Variants in FBLN1 observed in about 807,000 individuals in gnomAD.
FBLN1 encodes the protein fibulin-1.
In FBLN1, 34 loss-of-function variants were observed where a neutral mutation model predicts 89.7. The observed-to-expected ratio is 0.38, with a 90% CI of 0.29 to 0.50. The LOEUF is 0.50. FBLN1 is among the 20% of genes least tolerant of loss of function. The pLI is 0.92. For missense variants in FBLN1, 777 were observed against 988.1 expected, an observed-to-expected ratio of 0.79 and a Z score of 2.86; for synonymous variants, 393 against 391.3, an observed-to-expected ratio of 1.00 and a Z score of -0.05.
intron 8 of FBLN1, among the ~76,000 whole-genome samples, chr22:45,538,166 C>T (rs1049686486): frequency 6.6e-6 from 1 of 152,242 alleles, no homozygotes; most frequent in Non-Finnish European, 1.5e-5. Flanking sequence ...CCTGGGTCCT[C>T]AGTGACAGCA....
At chr22:45,544,510 G>A (rs887943366) in intron 11 of FBLN1, among the ~76,000 whole-genome samples, 2 of 152,206 alleles carry the variant, frequency 1.3e-5, no homozygotes, top group Admixed American at 1.3e-4. Flanking sequence ...ACACTCCTTG[G>A]TTGCACATCT....
At position 45,530,433 on chromosome 22, in the gene FBLN1, G is replaced by A. The variant is rs945610463; in HGVS notation, c.485-832G>A. Reference sequence around the variant, plus strand: ...GGGAGGGCTTCCTGTCTTCACAGCCGCACCTTCCTCCCACTGCTACCAGTG... The same window carrying A: ...GGGAGGGCTTCCTGTCTTCACAGCCACACCTTCCTCCCACTGCTACCAGTG... On this transcript the variant is annotated intron_variant, in intron 4 of 16. Coordinates refer to ENST00000327858, the MANE Select transcript of FBLN1 (RefSeq NM_006486.3). The surrounding 1 kb of genome is among the most constrained non-coding windows in gnomAD (Gnocchi z 5.4). Among the ~76,000 whole-genome samples the A allele has an allele frequency of 6.6e-6, 1 of 151,942 alleles. No individual in the cohort carries two copies. The highest frequency in any genetic ancestry group is 1.5e-5 in the Non-Finnish European group (1 of 67,994).
rs2089057578 is a variant in FBLN1 at position 45,583,248 on chromosome 22, G to T, written c.1972+6140G>T. 6.6e-6 allele frequency among the ~76,000 whole-genome samples: 1 copy of T among 152,160 alleles called. No homozygotes were observed. Among genetic ancestry groups the T allele is most frequent in the Non-Finnish European group, 1.5e-5 (1 of 68,028 alleles). Reference sequence around the variant, plus strand: ...CCCTCAGCCCCCCAGGCAGCTCTAAGGGCTCAGCTGCTGCAGGATTCCTTA... The same window carrying T: ...CCCTCAGCCCCCCAGGCAGCTCTAATGGCTCAGCTGCTGCAGGATTCCTTA... On this transcript the variant is annotated intron_variant, in intron 16 of 16. Transcript: ENST00000327858. This position sits in a 1 kb window ranked among gnomAD's most constrained non-coding sequence, Gnocchi z 4.5.
chr22:45,566,341 G>A (rs1194733613), intron 14 of FBLN1, among the ~76,000 whole-genome samples: 3 of 152,128 alleles, frequency 2.0e-5, no homozygotes, highest in Non-Finnish European at 4.4e-5. Flanking sequence ...GAGGGGTCCC[G>A]TTGCATTTTG....
chr22:45,525,454 C>G (rs544878922), intron 2 of FBLN1, 89 bp from the exon 3 acceptor site: 1 of 1,238,184 alleles, frequency 8.1e-7, no homozygotes, highest in Non-Finnish European at 1.2e-6. Context: ...AGGGGAGGCT[C>G]AAAGGTGAGA....
chr22:45,535,090 A>G, intron 7 of FBLN1, 110 bp from the exon 8 acceptor site: 1 of 1,236,386 alleles, frequency 8.1e-7, no homozygotes, highest in East Asian at 2.4e-5. Flanking sequence ...GTTTTGGGTT[A>G]TAGTCTGAGT....
At position 45,556,352 on chromosome 22, in the gene FBLN1, C is replaced by T. The variant is rs750267412; in HGVS notation, c.1697+5737C>T. 6.6e-6 allele frequency among the ~76,000 whole-genome samples: 1 copy of T among 152,236 alleles called. No homozygotes were observed. The highest frequency in any genetic ancestry group is 1.5e-5 in the Non-Finnish European group (1 of 68,046). On this transcript the variant is annotated intron_variant, in intron 14 of 16. Coordinates refer to ENST00000327858, the MANE Select transcript of FBLN1 (RefSeq NM_006486.3). The surrounding 1 kb of genome is among the most constrained non-coding windows in gnomAD (Gnocchi z 4.6). ...ACAATTACAGTCCTCGTTTCTGCAA[C>T]TGGTCACATGGCTCGTAGCTGGTAT...
chr22:45,532,914 A>T lies in FBLN1; in HGVS notation c.545-149A>T. On this transcript the variant is annotated intron_variant, in intron 5 of 16. Coordinates refer to ENST00000327858, the MANE Select transcript of FBLN1 (RefSeq NM_006486.3). The surrounding 1 kb of genome is among the most constrained non-coding windows in gnomAD (Gnocchi z 4.2). ...AGCCAGAGCCTGGGGGTCTCCCAGT[A>T]GGGCAGCAGGTGGGCTCCAGCCAGG... 1 of 697,466 alleles carries T rather than the reference A, an allele frequency of 1.4e-6. No individual in the cohort carries two copies. Among genetic ancestry groups the T allele is most frequent in the Non-Finnish European group, 2.5e-6 (1 of 395,438 alleles). The allele number at this position is 697,466 out of a possible 1,614,324, so 43.2% of individuals were successfully genotyped here.
Position 45,600,235 on chromosome 22 carries a change from A to G in FBLN1, c.1973-72A>G. Reference sequence around the variant, plus strand: ...TTCTAGCTCTGAAACTCCTCAAGGGAAACCATTTCCCAGATCTCTACGTTG... The same window carrying G: ...TTCTAGCTCTGAAACTCCTCAAGGGGAACCATTTCCCAGATCTCTACGTTG... On this transcript the variant is annotated intron_variant, in intron 16 of 16. Transcript: ENST00000327858. 3 of 1,597,884 alleles carry G rather than the reference A, an allele frequency of 1.9e-6. No homozygotes were observed. In the South Asian group the frequency reaches 3.3e-5, roughly 18 times the overall value.
At chr22:45,534,024 C>T in intron 7 of FBLN1, 126 bp downstream of exon 7, 1 of 1,301,584 alleles carries the variant, frequency 7.7e-7, no homozygotes, top group Admixed American at 1.7e-5. Flanking sequence ...GGGCGACTGC[C>T]TGCTCATCTG....
chr22:45,559,530 G>A (rs1431088202), intron 14 of FBLN1, among the ~76,000 whole-genome samples: 9 of 152,182 alleles, frequency 5.9e-5, no homozygotes, highest in Admixed American at 5.9e-4. Flanking sequence ...CCAGTGTGGG[G>A]GTTCTGCCAG....
chr22:45,504,693 G>C (rs968887895), intron 1 of FBLN1, among the ~76,000 whole-genome samples: 2 of 152,112 alleles, frequency 1.3e-5, no homozygotes, highest in African/African-American at 4.8e-5. Flanking sequence ...TTCTGTCTGC[G>C]GTTTGCGAAC....
At position 45,550,118 on chromosome 22, in the gene FBLN1, A is replaced by C. The variant is rs1193985872; in HGVS notation, c.1574-374A>C. On this transcript the variant is annotated intron_variant, in intron 13 of 16. Transcript: ENST00000327858. This position sits in a 1 kb window ranked among gnomAD's most constrained non-coding sequence, Gnocchi z 8.4. ...ATTTATAAAATGTGTGACCTCAGGC[A>C]GGTCTCTTAAGCTCTGTGAGCTCCT... 1.3e-5 allele frequency among the ~76,000 whole-genome samples: 2 copies of C among 152,176 alleles called. No homozygotes were observed. Among genetic ancestry groups the C allele is most frequent in the East Asian group, 3.8e-4 (2 of 5,196 alleles).
chr22:45,597,550 C>T lies in FBLN1; in HGVS notation c.1973-2757C>T, dbSNP rs958402956. On this transcript the variant is annotated intron_variant, in intron 16 of 16. Transcript: ENST00000327858. This position sits in a 1 kb window ranked among gnomAD's most constrained non-coding sequence, Gnocchi z 4.2. ...GACATACAGGGGGCCCACGGGGGTACGTTAGGTTCAGCCCTGTAAGCCCAC... is the reference window on the plus strand; with the variant it reads ...GACATACAGGGGGCCCACGGGGGTATGTTAGGTTCAGCCCTGTAAGCCCAC... Among the ~76,000 whole-genome samples the T allele has an allele frequency of 3.9e-5, 6 of 152,104 alleles. No homozygotes were observed. The highest frequency in any genetic ancestry group is 4.1e-4 in the South Asian group (2 of 4,826).
At chr22:45,552,084 G>A (rs1271807108) in intron 14 of FBLN1, among the ~76,000 whole-genome samples, 2 of 152,248 alleles carry the variant, frequency 1.3e-5, no homozygotes, top group African/African-American at 4.8e-5. Context: ...CCTCAGTGCT[G>A]GAGAAAGTCG....
chr22:45,541,784 G>A lies in FBLN1; in HGVS notation c.1067-371G>A, dbSNP rs114273897. On this transcript the variant is annotated intron_variant, in intron 9 of 16. Transcript: ENST00000327858. ...TCTCTGTGTGGGTGTTTGCTCTCACGTCATTCCCTCTGCCCACCTGCTCCT... is the reference window on the plus strand; with the variant it reads ...TCTCTGTGTGGGTGTTTGCTCTCACATCATTCCCTCTGCCCACCTGCTCCT... Among the ~76,000 whole-genome samples the A allele has an allele frequency of 3.7e-3, 569 of 152,338 alleles. 5 individuals carry two copies. Among genetic ancestry groups the A allele is most frequent in the African/African-American group, 0.013 (533 of 41,574 alleles).
chr22:45,505,300 T>C (rs2146933142), intron 1 of FBLN1, among the ~76,000 whole-genome samples: 1 of 152,286 alleles, frequency 6.6e-6, no homozygotes, highest in East Asian at 1.9e-4. Context: ...AAAAGAAAGT[T>C]GGGAGGGAGA....
rs948069817 is a variant in FBLN1 at position 45,579,282 on chromosome 22, G to T, written c.1972+2174G>T. ...CTAGAGACCATCCCTTCCTTCTTCC[G>T]TAGGAGGGGAAACTGAGGCCCGGAA... On this transcript the variant is annotated intron_variant, in intron 16 of 16. Transcript: ENST00000327858. The surrounding 1 kb of genome is among the most constrained non-coding windows in gnomAD (Gnocchi z 5.5). Among the ~76,000 whole-genome samples, 4 of 152,256 alleles carry T rather than the reference G, an allele frequency of 2.6e-5. No homozygotes were observed. Among genetic ancestry groups the T allele is most frequent in the African/African-American group, 9.6e-5 (4 of 41,468 alleles).
chr22:45,565,511 C>G (rs1206928900), intron 14 of FBLN1: 1 of 295,122 alleles, frequency 3.4e-6, no homozygotes, highest in East Asian at 8.4e-5. Flanking sequence ...AGCCTGAGCT[C>G]CCCTGGCCCC....
Sources: gnomAD v4.1 joint callset for allele counts (sites outside exome capture counted in the v4.1 genomes callset) on GRCh38, gnomAD v4.1.1 for gene constraint, Gnocchi (gnomAD v3.1) non-coding constraint, MANE v1.5 for transcripts, NCBI Gene and HGNC (gene_info 2026-07-23, HGNC 2026-07-21) for gene names.